CORO1C: variants seen among roughly 807,000 people sequenced by gnomAD.
CORO1C encodes the protein coronin-1C.
CORO1C carries 14 observed loss-of-function variants against 51.2 expected under a neutral mutation model. The ratio of observed to expected loss-of-function variants is 0.27; its 90% CI spans 0.18 to 0.43. The LOEUF is 0.43. Among genes scored for constraint, CORO1C ranks in the 20% least tolerant of loss-of-function variants. The probability of loss-of-function intolerance (pLI) is 1.00; values close to 1 mark genes in which losing one functional copy is unlikely to be tolerated. For synonymous variants in CORO1C, 181 were observed against 210.5 expected (o/e 0.86, Z 1.21); for missense variants, 417 against 607.8 (o/e 0.69, Z 3.30).
At chr12:108,659,395 C>T (rs140899112) in intron 4 of CORO1C, among the ~76,000 whole-genome samples, 152 of 152,294 alleles carry the variant, frequency 1.0e-3, no homozygotes, top group Non-Finnish European at 1.9e-3. Context: ...TGATTTTCCC[C>T]TGCTATACAA....
At chr12:108,726,828 G>A (rs1335194764) in intron 1 of CORO1C, among the ~76,000 whole-genome samples, 3 of 152,170 alleles carry the variant, frequency 2.0e-5, no homozygotes. Flanking sequence ...ACCCTACTGA[G>A]GAGACTGTGC....
rs1466560524 is a variant in CORO1C, at chr12:108,648,949, A to T, written c.1059+14T>A. 6.2e-7 allele frequency: 1 copy of T among 1,613,504 alleles called. No homozygotes were observed. The highest frequency in any genetic ancestry group is 8.5e-7 in the Non-Finnish European group (1 of 1,179,860). ...TGTTTAAAATATGGATTGTCTAGAA[A>T]ACTCAGCACTCACCTTCCTGGGAAC... On this transcript the variant is annotated intron_variant, in intron 9 of 10. Transcript: ENST00000261401.
rs1421261636 is a variant in CORO1C at position 108,647,465 on chromosome 12, T to C, written c.1363A>G (p.Ile455Val). The change falls in exon 11 of 11, where the codon ATC (isoleucine) becomes GTC (valine). Residue 455 changes from isoleucine (I) to valine (V), a missense_variant. Coordinates refer to ENST00000261401, the MANE Select transcript of CORO1C (RefSeq NM_014325.4). ...LKEIKSIKDT[I>V]CNQDERISKL... ...GAAATACGCTCATCTTGATTGCAGA[T>C]TGTGTCTTTTATAGATTTGATCTCT... is the stretch of plus-strand genomic sequence containing the variant. 1.2e-6 allele frequency: 2 copies of C among 1,611,382 alleles called. No individual in the cohort carries two copies. The highest frequency in any genetic ancestry group is 8.5e-7 in the Non-Finnish European group (1 of 1,177,728).
intron 1 of CORO1C, among the ~76,000 whole-genome samples, chr12:108,712,224 A>G (rs2035202140): frequency 6.6e-6 from 1 of 152,224 alleles, no homozygotes; most frequent in South Asian, 2.1e-4. Flanking sequence ...ATGAGGAGAC[A>G]AATATCCTAA....
intron 1 of CORO1C, among the ~76,000 whole-genome samples, chr12:108,729,517 A>G (rs768405075): frequency 6.6e-6 from 1 of 152,230 alleles, no homozygotes. Context: ...ATCTTTGTCC[A>G]ATCCTCAGTA....
intron 2 of CORO1C, among the ~76,000 whole-genome samples, chr12:108,681,863 T>G (rs566683269): frequency 6.6e-6 from 1 of 152,196 alleles, no homozygotes; most frequent in Admixed American, 6.5e-5. Context: ...TGTAAAACAG[T>G]ACTAATAATA....
At chr12:108,715,632 T>TCCCCCCCCCCCCCCCCCCCCCCCCCCC (rs1418746448) in intron 1 of CORO1C, among the ~76,000 whole-genome samples, 1 of 48,974 alleles carries the variant, frequency 2.0e-5, no homozygotes, top group African/African-American at 8.8e-5. Context: ...ACCCGCCTCC[T>TCCCCCCCCCCCCCCCCCCCCCCCCCCC]CCCTCCCCCC....
At chr12:108,679,371 T>C (rs1379365997) in intron 2 of CORO1C, among the ~76,000 whole-genome samples, 2 of 152,140 alleles carry the variant, frequency 1.3e-5, no homozygotes, top group African/African-American at 2.4e-5. Flanking sequence ...CATAAATAGC[T>C]ACCACAATTT....
chr12:108,727,790 T>A (rs1428469728), intron 1 of CORO1C, among the ~76,000 whole-genome samples: 1 of 152,078 alleles, frequency 6.6e-6, no homozygotes, highest in Non-Finnish European at 1.5e-5. Context: ...AGGGGCACCA[T>A]CAAGAAAATG....
intron 1 of CORO1C, among the ~76,000 whole-genome samples, chr12:108,712,041 C>T (rs1264859460): frequency 1.3e-5 from 2 of 152,124 alleles, no homozygotes. Context: ...ATTACTCAAG[C>T]GTTCAGTGGG....
intron 1 of CORO1C, among the ~76,000 whole-genome samples, chr12:108,722,665 A>C (rs778257229): frequency 3.7e-4 from 57 of 152,274 alleles, no homozygotes; most frequent in Non-Finnish European, 2.2e-4. Context: ...TCTGAGTTCC[A>C]AATAACTGAG....
At chr12:108,685,838 G>A (rs971417262) in intron 2 of CORO1C, among the ~76,000 whole-genome samples, 1 of 152,148 alleles carries the variant, frequency 6.6e-6, no homozygotes. Flanking sequence ...AGACAGTATG[G>A]GGGTAGATGG....
chr12:108,648,536 G>C, intron 10 of CORO1C, 69 bp downstream of exon 10: 1 of 1,600,080 alleles, frequency 6.2e-7, no homozygotes, highest in Middle Eastern at 2.1e-4. Flanking sequence ...CGACGCCCTG[G>C]ACCACAAGGG....
intron 2 of CORO1C, among the ~76,000 whole-genome samples, chr12:108,697,323 CA>C (rs2136860699): frequency 6.6e-6 from 1 of 151,986 alleles, no homozygotes; most frequent in East Asian, 1.9e-4. Flanking sequence ...TAACCAGAAA[CA>C]AAAAAGGGAA....
intron 6 of CORO1C, among the ~76,000 whole-genome samples, chr12:108,656,590 C>T (rs942039504): frequency 1.3e-5 from 2 of 152,064 alleles, no homozygotes; most frequent in Non-Finnish European, 2.9e-5. Context: ...ATGACGATGG[C>T]GGTTTTGTGG....
At chr12:108,694,637 A>G (rs545155876) in intron 2 of CORO1C, among the ~76,000 whole-genome samples, 56 of 152,252 alleles carry the variant, frequency 3.7e-4, no homozygotes, top group Non-Finnish European at 7.3e-4. Flanking sequence ...CTATGATCTT[A>G]TAACACATTT....
intron 1 of CORO1C, among the ~76,000 whole-genome samples, chr12:108,710,375 CTTG>C (rs1027465219): frequency 7.9e-5 from 12 of 152,026 alleles, no homozygotes; most frequent in Non-Finnish European, 1.6e-4. Flanking sequence ...TCTTAATAAA[CTTG>C]TTTTCACTTT....
At chr12:108,649,445 T>C (rs183226342) in intron 8 of CORO1C, 2 of 201,244 alleles carry the variant, frequency 9.9e-6, no homozygotes, top group African/African-American at 2.3e-5. Context: ...CTTGAGGTGG[T>C]TGAACATATA....
chr12:108,679,137 G>GAAA (rs2034028973), intron 2 of CORO1C, among the ~76,000 whole-genome samples: 17 of 38,504 alleles, frequency 4.4e-4, no homozygotes, highest in South Asian at 8.4e-4. Context: ...AAAGAAACAA[G>GAAA]AAAAAAGAAA....
Sources: allele counts gnomAD v4.1 joint callset (sites outside exome capture counted in the v4.1 genomes callset), GRCh38; gene constraint gnomAD v4.1.1; transcripts MANE v1.5; gene names NCBI Gene and HGNC (gene_info 2026-07-23, HGNC 2026-07-21).